The following TLL2 variants were observed in gnomAD, a reference collection of about 807,000 sequenced individuals.
The protein encoded by TLL2 is tolloid-like protein 2.
A neutral mutation model predicts 123.0 loss-of-function variants in TLL2; 106 were observed. That is an observed-to-expected ratio of 0.86 (90% CI 0.74 to 1.01). The LOEUF (loss-of-function observed/expected upper bound fraction) is 1.01. Ranked by LOEUF, TLL2 falls within the 50% of genes least tolerant of loss-of-function variation. The pLI, the probability that TLL2 is intolerant of heterozygous loss-of-function variation, is 0.00. For missense variants in TLL2, 1,332 were observed against 1,336.7 expected (o/e 1.00, Z 0.06); for synonymous variants, 494 against 516.8 (o/e 0.96, Z 0.60).
At chr10:96,434,704 GGGGT>G (rs1194877358) in intron 3 of TLL2, among the ~76,000 whole-genome samples, 1 of 152,138 alleles carries the variant, frequency 6.6e-6, no homozygotes, top group East Asian at 1.9e-4. Context: ...GTACATGCCT[GGGGT>G]GGAATTGCTG....
At position 96,513,765 on chromosome 10, in the gene TLL2, C is replaced by A; in HGVS notation, c.-80G>T. 7.3e-7 allele frequency: 1 copy of A among 1,366,572 alleles called. No homozygotes were observed. Among genetic ancestry groups the A allele is most frequent in the South Asian group, 1.5e-5 (1 of 64,896 alleles). The allele number at this position is 1,366,572 out of a possible 1,614,324, so 84.7% of individuals were successfully genotyped here. On this transcript the variant is annotated 5_prime_UTR_variant, in exon 1 of 21. Transcript: ENST00000357947. ...GGCCGAAAGACGGCGCACACTGGGT[C>A]GGTCGGCTCCGGCCGGGACTCGGTG...
intron 2 of TLL2, among the ~76,000 whole-genome samples, chr10:96,470,734 G>A (rs1403101487): frequency 6.6e-6 from 1 of 152,182 alleles, no homozygotes; most frequent in Non-Finnish European, 1.5e-5. Context: ...TTAGCTGTAT[G>A]CTCACCAACA....
intron 1 of TLL2, among the ~76,000 whole-genome samples, chr10:96,503,490 G>A (rs151135897): frequency 6.6e-6 from 1 of 152,310 alleles, no homozygotes; most frequent in Non-Finnish European, 1.5e-5. Flanking sequence ...CAGGTTTAAA[G>A]CCATGGGCTG....
intron 2 of TLL2, among the ~76,000 whole-genome samples, chr10:96,469,252 T>G (rs1847156425): frequency 1.3e-5 from 2 of 152,256 alleles, no homozygotes; most frequent in African/African-American, 4.8e-5. Flanking sequence ...GACTCTGACC[T>G]GGGCTCCGAT....
At chr10:96,428,816 TC>T (rs1846706485) in intron 4 of TLL2, 68 bp from the exon 5 acceptor site, 7 of 1,099,820 alleles carry the variant, frequency 6.4e-6, no homozygotes, top group East Asian at 2.4e-5. Flanking sequence ...CTTTTTTTTT[TC>T]TTTCAAGACG....
At chr10:96,374,517 G>A (rs2134051707) in intron 18 of TLL2, 1 of 152,436 alleles carries the variant, frequency 6.6e-6, no homozygotes, top group East Asian at 1.9e-4. Context: ...CTCTCGCCGA[G>A]TGTTTATTCC....
intron 1 of TLL2, among the ~76,000 whole-genome samples, chr10:96,502,071 G>A (rs1295302388): frequency 1.3e-5 from 2 of 152,214 alleles, no homozygotes; most frequent in Non-Finnish European, 2.9e-5. Context: ...ACTGGGGACT[G>A]GGAAGGCCTC....
rs140071170 is a variant in TLL2, at chr10:96,413,246, C to G, written c.994G>C (p.Val332Leu). 605 of 1,614,040 alleles carry G rather than the reference C, an allele frequency of 3.7e-4. 1 individual carries two copies. Among genetic ancestry groups the G allele is most frequent in the Non-Finnish European group, 4.9e-4 (584 of 1,180,010 alleles). Residue 332 changes from valine to leucine, a missense_variant, in exon 8 of 21, where the codon GTG becomes CTG. Transcript: ENST00000357947. ...NGVRPTIGQR[V>L]RLSQGDIAQA... ...GCTATGTCTCCCTGACTGAGCCGCA[C>G]GCGCTGGCCAATGGTTGGCCTGACG...
At chr10:96,462,930 T>A (rs187874144) in intron 2 of TLL2, among the ~76,000 whole-genome samples, 176 of 152,322 alleles carry the variant, frequency 1.2e-3, no homozygotes, top group African/African-American at 4.2e-3. Flanking sequence ...GGACACTTGT[T>A]TACAGTATGT....
rs755863897 is a variant in TLL2, at chr10:96,370,085, C to A, written c.2893G>T (p.Gly965Cys). ...CTTACCCCAGAGCCACAGAAGCGGC[C>A]GAGCCTGGGCGCTGAGCTGTCGTAG... ...DGYDSSAPRL[G>C]RFCGSGPLEE... Residue 965 changes from glycine to cysteine, a missense_variant, in exon 20 of 21, where the codon GGC becomes TGC. Physicochemically the swap from Gly to Cys is radical, Grantham distance 159. Transcript: ENST00000357947. 2 of 1,600,872 alleles carry A rather than the reference C, an allele frequency of 1.2e-6. No individual in the cohort carries two copies. The highest frequency in any genetic ancestry group is 1.7e-6 in the Non-Finnish European group (2 of 1,173,306).
chr10:96,460,630 C>T (rs948812114), intron 2 of TLL2, among the ~76,000 whole-genome samples: 7 of 152,188 alleles, frequency 4.6e-5, no homozygotes, highest in African/African-American at 1.4e-4. Flanking sequence ...CTTTCGCTCT[C>T]TCCTGCCACC....
intron 3 of TLL2, among the ~76,000 whole-genome samples, chr10:96,445,174 G>A (rs1846886508): frequency 6.6e-6 from 1 of 152,160 alleles, no homozygotes; most frequent in Non-Finnish European, 1.5e-5. Context: ...GGGCGACAGA[G>A]CGAGACTCCA....
chr10:96,425,017 T>C (rs1459739265), intron 5 of TLL2, among the ~76,000 whole-genome samples: 3 of 151,764 alleles, frequency 2.0e-5, no homozygotes, highest in African/African-American at 4.8e-5. Flanking sequence ...TTTTTTTTTT[T>C]TCACAGAGAG....
intron 1 of TLL2, among the ~76,000 whole-genome samples, chr10:96,490,689 AAAGCTATTG>A (rs2134109116): frequency 6.6e-6 from 1 of 152,370 alleles, no homozygotes; most frequent in South Asian, 2.1e-4. Context: ...TTCGACACAC[AAAGCTATTG>A]AATTCTTACT....
intron 13 of TLL2, among the ~76,000 whole-genome samples, chr10:96,392,934 G>A (rs1846302401): frequency 1.3e-5 from 2 of 152,174 alleles, no homozygotes; most frequent in Admixed American, 6.5e-5. Flanking sequence ...GCAAAGAGGT[G>A]GAAGGAAGTT....
At chr10:96,469,923 A>T (rs1847162616) in intron 2 of TLL2, among the ~76,000 whole-genome samples, 1 of 152,034 alleles carries the variant, frequency 6.6e-6, no homozygotes. Flanking sequence ...ACAGGCTAGG[A>T]GGGCACCATG....
chr10:96,451,866 C>T (rs1041513878), intron 2 of TLL2, among the ~76,000 whole-genome samples: 1 of 152,186 alleles, frequency 6.6e-6, no homozygotes, highest in African/African-American at 2.4e-5. Flanking sequence ...ACTAAAGAAA[C>T]CTTGCAGGAC....
chr10:96,389,330 T>C (rs1846263668), intron 13 of TLL2, among the ~76,000 whole-genome samples: 1 of 152,168 alleles, frequency 6.6e-6, no homozygotes, highest in Non-Finnish European at 1.5e-5. Context: ...ACAGAAGCCA[T>C]CATGATAGAC....
chr10:96,460,821 A>C (rs1262299542), intron 2 of TLL2, among the ~76,000 whole-genome samples: 1 of 152,176 alleles, frequency 6.6e-6, no homozygotes, highest in African/African-American at 2.4e-5. Flanking sequence ...ATGCCCTTAT[A>C]AAAGAGACCC....
Sources: allele counts gnomAD v4.1 joint callset (sites outside exome capture counted in the v4.1 genomes callset), GRCh38; gene constraint gnomAD v4.1.1; transcripts MANE v1.5; gene names NCBI Gene and HGNC (gene_info 2026-07-23, HGNC 2026-07-21).